The following KALRN variants were observed in gnomAD, a reference collection of about 807,000 sequenced individuals.
KALRN encodes the protein kalirin.
Under a neutral mutation model 353.7 loss-of-function variants are expected in KALRN, and 70 were observed. That is an observed-to-expected ratio of 0.20 (90% confidence interval 0.16 to 0.24). KALRN has a LOEUF of 0.24. Ranked by LOEUF, KALRN falls within the 10% of genes least tolerant of loss-of-function variation. The pLI is 1.00. For synonymous variants in KALRN, 1,391 were observed against 1,434.8 expected (o/e 0.97, Z 0.69); for missense variants, 2,791 against 3,756.7 (o/e 0.74, Z 6.72).
intron 10 of KALRN, among the ~76,000 whole-genome samples, chr3:124,366,949 A>T (rs2084843111): frequency 7.3e-6 from 1 of 136,224 alleles, no homozygotes; most frequent in Non-Finnish European, 1.6e-5. Flanking sequence ...ACTTCCCAGT[A>T]GGGGTGGCCA....
chr3:124,640,576 G>A (rs966607430), intron 37 of KALRN, among the ~76,000 whole-genome samples: 29 of 152,002 alleles, frequency 1.9e-4, no homozygotes, highest in Admixed American at 1.6e-3. Flanking sequence ...GAGCCACCAC[G>A]CCCAGCCAAT....
At chr3:124,373,237 A>T (rs1355573871) in intron 10 of KALRN, among the ~76,000 whole-genome samples, 1 of 152,126 alleles carries the variant, frequency 6.6e-6, no homozygotes, top group South Asian at 2.1e-4. Context: ...CTATGGTCTT[A>T]TGGTCTAAAA....
At chr3:124,637,645 G>C (rs549097681) in intron 37 of KALRN, among the ~76,000 whole-genome samples, 2 of 152,190 alleles carry the variant, frequency 1.3e-5, no homozygotes, top group African/African-American at 4.8e-5. Context: ...CTAGTACACC[G>C]CGATGCTGAG....
At chr3:124,519,986 G>A (rs541128506) in intron 33 of KALRN, 39 of 539,668 alleles carry the variant, frequency 7.2e-5, no homozygotes, top group Non-Finnish European at 8.3e-5. Context: ...GCGTGTGTCC[G>A]GCATGATGGC....
intron 51 of KALRN, among the ~76,000 whole-genome samples, chr3:124,693,209 A>G (rs1204782866): frequency 6.6e-6 from 1 of 152,176 alleles, no homozygotes; most frequent in East Asian, 1.9e-4. Flanking sequence ...ATCATGCTTG[A>G]GAAAGAAGAG....
intron 34 of KALRN, among the ~76,000 whole-genome samples, chr3:124,618,315 C>G (rs1406853642): frequency 6.6e-6 from 1 of 151,120 alleles, no homozygotes; most frequent in Non-Finnish European, 1.5e-5. Flanking sequence ...CGGAGTTTCA[C>G]CATGTTAGCC....
chr3:124,043,595 A>G (rs578146217), intron 1 of KALRN, among the ~76,000 whole-genome samples: 22 of 152,256 alleles, frequency 1.4e-4, no homozygotes, highest in African/African-American at 5.3e-4. Flanking sequence ...TGACAGCTCC[A>G]GGAGAGAGAG....
At chr3:124,082,860 A>G (rs926688682) in intron 1 of KALRN, among the ~76,000 whole-genome samples, 4 of 152,246 alleles carry the variant, frequency 2.6e-5, no homozygotes, top group African/African-American at 9.6e-5. Flanking sequence ...AGCTACATTA[A>G]TTCTTCACAT....
intron 48 of KALRN, among the ~76,000 whole-genome samples, chr3:124,673,022 G>A (rs773109693): frequency 2.2e-4 from 34 of 152,164 alleles, no homozygotes; most frequent in Non-Finnish European, 4.4e-5. Context: ...CACATCACCT[G>A]GAAATGATTT....
At chr3:124,567,117 A>T (rs2072940522) in intron 34 of KALRN, among the ~76,000 whole-genome samples, 2 of 152,172 alleles carry the variant, frequency 1.3e-5, no homozygotes, top group African/African-American at 4.8e-5. Flanking sequence ...CCAAATGACA[A>T]TGCCCAGACC....
rs776961555 is a variant in KALRN, at chr3:124,655,665, G to C, written c.5860G>C (p.Glu1954Gln). 1 of 1,613,398 alleles carries C rather than the reference G, an allele frequency of 6.2e-7. No homozygotes were observed. Among genetic ancestry groups the C allele is most frequent in the Non-Finnish European group, 8.5e-7 (1 of 1,179,326 alleles). ...TGTCAAGGATCTGGGCATTGTGGTG[G>C]AGGTAAGTAGAGGGTTCCAGGTGGG... is the stretch of plus-strand genomic sequence containing the variant. ...DYVKDLGIVV[E>Q]GFMKRIEEKG... Residue 1954 changes from glutamate (E) to glutamine (Q), a missense_variant and splice_region_variant, in exon 39 of 60, where the codon GAG (glutamate) becomes CAG (glutamine). Transcript: ENST00000682506.
In KALRN at chr3:124,078,347, G is replaced by A. The variant is rs1380015084; in HGVS notation, c.73+44534G>A. 5.3e-5 allele frequency among the ~76,000 whole-genome samples: 8 copies of A among 152,196 alleles called. No homozygotes were observed. In the East Asian group the frequency reaches 1.5e-3, roughly 29 times the overall value. ...TTTACCTCAGTGAAACAGCTGCCTA[G>A]ACTTGGGTTCCATATGAATTAGTTA... On this transcript the variant is annotated intron_variant, in intron 1 of 59. Coordinates refer to ENST00000682506, the MANE Select transcript of KALRN (RefSeq NM_001388419.1).
intron 11 of KALRN, among the ~76,000 whole-genome samples, chr3:124,392,348 A>T (rs2089519589): frequency 1.3e-5 from 2 of 152,238 alleles, no homozygotes; most frequent in Non-Finnish European, 2.9e-5. Context: ...ACTGTTGATA[A>T]GTAAGATAGA....
At chr3:124,181,559 T>C (rs1473063702) in intron 1 of KALRN, among the ~76,000 whole-genome samples, 1 of 152,184 alleles carries the variant, frequency 6.6e-6, no homozygotes, top group East Asian at 1.9e-4. Flanking sequence ...TGGCTCTCCC[T>C]TTTTCCTGAT....
At chr3:124,502,932 A>G (rs938637564) in intron 33 of KALRN, among the ~76,000 whole-genome samples, 25 of 152,218 alleles carry the variant, frequency 1.6e-4, no homozygotes, top group Non-Finnish European at 3.1e-4. Flanking sequence ...GGTCCATCCA[A>G]GACCGGGTCT....
In KALRN at chr3:124,411,433, C is replaced by CTTTTTTTTTTTTTTTT. The variant is rs61485429; in HGVS notation, c.2347-2024_2347-2009dup. ...AAGCCTATGTATACTTTAAATTATG[C>CTTTTTTTTTTTTTTTT]TTTTTTTTTTTTTTTTTTTTTTTTT... is the stretch of plus-strand genomic sequence containing the variant. On this transcript the variant is annotated intron_variant, in intron 13 of 59. Transcript: ENST00000682506. 5.8e-4 allele frequency among the ~76,000 whole-genome samples: 30 copies of CTTTTTTTTTTTTTTTT among 51,496 alleles called. 6 individuals are homozygous for CTTTTTTTTTTTTTTTT. The highest frequency in any genetic ancestry group is 2.5e-3 in the South Asian group (2 of 814). The allele number at this position is 51,496 out of a possible 152,430, so 33.8% of individuals were successfully genotyped here. A position where few individuals can be genotyped will look rare whatever the true frequency, so the allele number is the denominator to read the frequency against.
rs138508402 is a variant in KALRN at position 124,503,263 on chromosome 3, A to G, written c.4935+6850A>G. 4.5e-4 allele frequency among the ~76,000 whole-genome samples: 69 copies of G among 152,320 alleles called. 1 individual carries two copies. In the East Asian group the frequency reaches 0.013, roughly 28 times the overall value. On this transcript the variant is annotated intron_variant, in intron 33 of 59. Coordinates refer to ENST00000682506, the MANE Select transcript of KALRN (RefSeq NM_001388419.1). ...CAGGGCCTGGAGTAGATATATCTGA[A>G]GTCTAAACTTGGGCTTTATAATATA...
At chr3:124,298,948 G>A in intron 6 of KALRN, 35 bp downstream of exon 6, 4 of 1,613,610 alleles carry the variant, frequency 2.5e-6, no homozygotes, top group Non-Finnish European at 3.4e-6. Flanking sequence ...ACTGCCTCTG[G>A]GAGTGGGAGA....
intron 1 of KALRN, among the ~76,000 whole-genome samples, chr3:124,049,332 A>G (rs930717327): frequency 1.3e-5 from 2 of 152,040 alleles, no homozygotes; most frequent in African/African-American, 4.8e-5. Context: ...TTCTAATTCT[A>G]CCCACCACTA....
Sources: allele counts gnomAD v4.1 joint callset (sites outside exome capture counted in the v4.1 genomes callset), GRCh38; gene constraint gnomAD v4.1.1; transcripts MANE v1.5; gene names NCBI Gene and HGNC (gene_info 2026-07-23, HGNC 2026-07-21).